Variants in TGFA observed in about 807,000 individuals in gnomAD.
The protein encoded by TGFA is transforming growth factor alpha.
A neutral mutation model predicts 21.7 loss-of-function variants in TGFA; 12 were observed. The observed-to-expected ratio is 0.55, with a 90% confidence interval of 0.35 to 0.90. The LOEUF (loss-of-function observed/expected upper bound fraction) is 0.90, where lower values mean the gene tolerates loss of function less well. Among genes scored for constraint, TGFA ranks in the 40% least tolerant of loss-of-function variants. TGFA has a pLI of 0.01. For synonymous variants in TGFA, 79 were observed against 88.1 expected (o/e 0.90, Z 0.58); for missense variants, 178 against 210.8 (o/e 0.84, Z 0.96).
At chr2:70,503,286 A>G (rs1553499484) in intron 2 of TGFA, among the ~76,000 whole-genome samples, 1 of 152,114 alleles carries the variant, frequency 6.6e-6, no homozygotes, top group Non-Finnish European at 1.5e-5. Context: ...GACATGGATG[A>G]AGCTGGAAAC....
At chr2:70,548,608 T>C (rs1673389508) in intron 1 of TGFA, among the ~76,000 whole-genome samples, 1 of 152,226 alleles carries the variant, frequency 6.6e-6, no homozygotes, top group South Asian at 2.1e-4. Context: ...GTGCTAGGCA[T>C]AGAACTCACT....
chr2:70,553,710 C>G lies in TGFA; in HGVS notation c.40+18G>C, dbSNP rs561717893. The stretch of plus-strand genomic sequence containing the variant: ...GGGTGTCGCGCGGCGCAGGGGGCGC[C>G]GCAGCCGGCGTACGTACCCAGAGCG... On this transcript the variant is annotated intron_variant, in intron 1 of 5. Coordinates refer to ENST00000295400, the MANE Select transcript of TGFA (RefSeq NM_003236.4). 3 of 1,328,162 alleles carry G rather than the reference C, an allele frequency of 2.3e-6. No homozygotes were observed. In the African/African-American group the frequency reaches 4.6e-5, roughly 20 times the overall value. 82.3% of individuals were successfully genotyped at this position (1,328,162 alleles called of 1,614,324 possible).
At chr2:70,532,560 G>A (rs1672843687) in intron 1 of TGFA, among the ~76,000 whole-genome samples, 1 of 152,172 alleles carries the variant, frequency 6.6e-6, no homozygotes, top group Admixed American at 6.5e-5. Context: ...GGCTGGTGCC[G>A]GCCTTGTTTA....
At chr2:70,485,284 G>C (rs1671236018) in intron 2 of TGFA, among the ~76,000 whole-genome samples, 1 of 152,074 alleles carries the variant, frequency 6.6e-6, no homozygotes, top group Non-Finnish European at 1.5e-5. Flanking sequence ...TGTCACCCAG[G>C]CTAGAGTGCA....
At chr2:70,518,362 G>T (rs922329690) in intron 1 of TGFA, among the ~76,000 whole-genome samples, 1 of 152,210 alleles carries the variant, frequency 6.6e-6, no homozygotes, top group Non-Finnish European at 1.5e-5. Flanking sequence ...CTTATGAAAG[G>T]CTGATCCTGT....
intron 1 of TGFA, among the ~76,000 whole-genome samples, chr2:70,535,516 C>T (rs781945406): frequency 1.3e-5 from 2 of 152,134 alleles, no homozygotes; most frequent in Non-Finnish European, 2.9e-5. Context: ...AAGTAGCTAC[C>T]TCAGGTGAAT....
intron 2 of TGFA, among the ~76,000 whole-genome samples, chr2:70,485,244 C>T (rs782504596): frequency 6.6e-6 from 1 of 152,066 alleles, no homozygotes; most frequent in Admixed American, 6.6e-5. Flanking sequence ...AGTCATCCCC[C>T]CCCTTTCTTT....
intron 1 of TGFA, among the ~76,000 whole-genome samples, chr2:70,529,872 A>C (rs1672765337): frequency 6.6e-6 from 1 of 152,226 alleles, no homozygotes; most frequent in African/African-American, 2.4e-5. Context: ...GCAGAAGTTC[A>C]GGCAAAGGTC....
intron 2 of TGFA, among the ~76,000 whole-genome samples, chr2:70,488,031 T>C (rs1039267316): frequency 1.6e-4 from 24 of 152,372 alleles, no homozygotes; most frequent in Non-Finnish European, 2.9e-5. Context: ...GAATCTCTTA[T>C]GTTAACTGCA....
intron 1 of TGFA, among the ~76,000 whole-genome samples, chr2:70,543,862 A>G (rs1553505519): frequency 6.6e-6 from 1 of 152,218 alleles, no homozygotes; most frequent in African/African-American, 2.4e-5. Context: ...ATTGATATCA[A>G]AATCTAAAAA....
chr2:70,543,082 A>G (rs1052517907), intron 1 of TGFA, among the ~76,000 whole-genome samples: 4 of 152,022 alleles, frequency 2.6e-5, no homozygotes, highest in African/African-American at 7.2e-5. Context: ...CAGCCTGGGT[A>G]ACAAGAGTGA....
intron 3 of TGFA, among the ~76,000 whole-genome samples, chr2:70,458,646 T>A (rs1167223626): frequency 6.6e-6 from 1 of 152,146 alleles, no homozygotes; most frequent in Non-Finnish European, 1.5e-5. Context: ...CATTCCTCAC[T>A]CTCCTCCTCA....
rs1553507217 is a variant in TGFA, at chr2:70,553,751, C to T, written c.17G>A (p.Gly6Glu). MVPSA[G>E]QLALFALGIV... ...ACCCAGAGCGAACAGGGCGAGCTGT[C>T]CAGCCGAGGGGACCATTTTACGGGC... The change falls in exon 1 of 6, where the codon GGA becomes GAA. Residue 6 changes from glycine (G) to glutamate (E), a missense_variant. Coordinates refer to ENST00000295400, the MANE Select transcript of TGFA (RefSeq NM_003236.4). The T allele has an allele frequency of 7.7e-7, 1 of 1,303,300 alleles. No homozygotes were observed. The highest frequency in any genetic ancestry group is 2.7e-5 in the South Asian group (1 of 37,452). 80.7% of individuals were successfully genotyped at this position (1,303,300 alleles called of 1,614,324 possible).
At chr2:70,553,305 G>A in intron 1 of TGFA, 1 of 1,525,278 alleles carries the variant, frequency 6.6e-7, no homozygotes, top group South Asian at 1.2e-5. Context: ...GCAAGACCCG[G>A]CCAGAGGGTT....
intron 3 of TGFA, among the ~76,000 whole-genome samples, chr2:70,459,385 T>C (rs1476836148): frequency 6.6e-6 from 1 of 152,250 alleles, no homozygotes; most frequent in East Asian, 1.9e-4. Context: ...TTATTTACCT[T>C]GTTTGACAGA....
intron 1 of TGFA, among the ~76,000 whole-genome samples, chr2:70,543,049 G>A (rs1375130592): frequency 2.6e-5 from 4 of 151,996 alleles, no homozygotes; most frequent in African/African-American, 9.7e-5. Flanking sequence ...GTTGCAGTGA[G>A]CCAAGATTGC....
At chr2:70,507,577 G>A (rs149933612) in intron 2 of TGFA, among the ~76,000 whole-genome samples, 1 of 152,250 alleles carries the variant, frequency 6.6e-6, no homozygotes, top group Non-Finnish European at 1.5e-5. Flanking sequence ...CACTCTACTG[G>A]ATAATAACCT....
chr2:70,449,506 C>T lies in TGFA; in HGVS notation c.*1353G>A, dbSNP rs1256692406. Reference sequence around the variant, plus strand: ...CCCACTGTTTCTCACAGGCAGGCCCCATGGGTCAGATGGACCCAGATGCTC... The same window carrying T: ...CCCACTGTTTCTCACAGGCAGGCCCTATGGGTCAGATGGACCCAGATGCTC... On this transcript the variant is annotated 3_prime_UTR_variant, in exon 6 of 6. Transcript: ENST00000295400. 5.7e-6 allele frequency: 1 copy of T among 176,440 alleles called. No individual in the cohort carries two copies. Among genetic ancestry groups the T allele is most frequent in the South Asian group, 1.2e-4 (1 of 8,284 alleles). The allele number at this position is 176,440 out of a possible 1,614,324, so 10.9% of individuals were successfully genotyped here.
At chr2:70,505,897 C>T (rs1671909946) in intron 2 of TGFA, among the ~76,000 whole-genome samples, 1 of 152,188 alleles carries the variant, frequency 6.6e-6, no homozygotes, top group South Asian at 2.1e-4. Flanking sequence ...ACTTTCAAGA[C>T]AGGAAACGAG....
Sources: allele counts gnomAD v4.1 joint callset (sites outside exome capture counted in the v4.1 genomes callset), GRCh38; gene constraint gnomAD v4.1.1; transcripts MANE v1.5; gene names NCBI Gene and HGNC (gene_info 2026-07-23, HGNC 2026-07-21).